Variants in AAK1 observed in about 807,000 individuals in gnomAD.
The protein encoded by AAK1 is AP2 associated kinase 1.
A neutral mutation model predicts 116.0 loss-of-function variants in AAK1; 37 were observed. The ratio of observed to expected loss-of-function variants is 0.32; its 90% confidence interval spans 0.25 to 0.42. The LOEUF is 0.42. Ranked by LOEUF, AAK1 falls within the 10% of genes least tolerant of loss-of-function variation. The pLI, the probability that AAK1 is intolerant of heterozygous loss-of-function variation, is 1.00. For missense variants in AAK1, 919 were observed against 1,170.6 expected (o/e 0.79, Z 3.14); for synonymous variants, 458 against 439.9 (o/e 1.04, Z -0.51).
Position 69,643,670 on chromosome 2 carries a change from A to C in AAK1, c.-330T>G, listed in dbSNP as rs1302311724. ...CGACGCAGAGAAGAGGCGGCGCTGC[A>C]GCGAGAGCCGGGGCCGCGCTCGGCT... On this transcript the variant is annotated 5_prime_UTR_variant, in exon 1 of 22. Coordinates refer to ENST00000409085, the MANE Select transcript of AAK1 (RefSeq NM_014911.5). The C allele has an allele frequency of 6.5e-6, 8 of 1,224,894 alleles. No individual in the cohort carries two copies. The highest frequency in any genetic ancestry group is 1.6e-5 in the African/African-American group (1 of 64,024). 75.9% of individuals were successfully genotyped at this position (1,224,894 alleles called of 1,614,324 possible).
At chr2:69,499,721 C>T (rs1013429358) in intron 16 of AAK1, 3 of 151,820 alleles carry the variant, frequency 2.0e-5, no homozygotes, top group African/African-American at 7.3e-5. Flanking sequence ...TATTTTAAAA[C>T]GACACAATGA....
chr2:69,572,963 G>A (rs1041720927), intron 2 of AAK1, among the ~76,000 whole-genome samples: 4 of 152,178 alleles, frequency 2.6e-5, no homozygotes, highest in Admixed American at 2.0e-4. Flanking sequence ...TCCAGGGATG[G>A]CCGACTCAGC....
At chr2:69,562,855 A>T (rs751191246) in intron 2 of AAK1, among the ~76,000 whole-genome samples, 10 of 152,270 alleles carry the variant, frequency 6.6e-5, no homozygotes, top group Non-Finnish European at 1.2e-4. Context: ...GCACCACTGC[A>T]CTCCAGCCTG....
intron 2 of AAK1, among the ~76,000 whole-genome samples, chr2:69,591,728 G>A (rs976323610): frequency 1.3e-5 from 2 of 151,790 alleles, no homozygotes; most frequent in South Asian, 2.1e-4. Flanking sequence ...CCACCGCCAC[G>A]CCTGGCTAAT....
chr2:69,570,740 T>C (rs942281797), intron 2 of AAK1, among the ~76,000 whole-genome samples: 3 of 152,240 alleles, frequency 2.0e-5, no homozygotes, highest in African/African-American at 4.8e-5. Flanking sequence ...CATCCAATCA[T>C]GTTGCTTCCC....
chr2:69,497,259 G>C (rs1275249903), intron 16 of AAK1, among the ~76,000 whole-genome samples: 3 of 150,162 alleles, frequency 2.0e-5, no homozygotes, highest in Non-Finnish European at 4.4e-5. Flanking sequence ...TAGGATTACA[G>C]GCATGCACCA....
intron 3 of AAK1, among the ~76,000 whole-genome samples, chr2:69,548,083 G>C (rs940842344): frequency 5.9e-5 from 9 of 152,324 alleles, no homozygotes; most frequent in Admixed American, 3.9e-4. Context: ...AGGGGCTGTG[G>C]AGAGGGGGAA....
intron 3 of AAK1, among the ~76,000 whole-genome samples, chr2:69,554,936 G>T (rs1390725439): frequency 2.0e-5 from 3 of 152,224 alleles, no homozygotes; most frequent in Non-Finnish European, 4.4e-5. Context: ...CTCCTCATGG[G>T]CCTGTGCTTC....
At chr2:69,553,009 A>G (rs1204828549) in intron 3 of AAK1, among the ~76,000 whole-genome samples, 1 of 152,144 alleles carries the variant, frequency 6.6e-6, no homozygotes, top group Non-Finnish European at 1.5e-5. Flanking sequence ...ATATAAAAAG[A>G]AGGGAGAAAA....
Position 69,474,006 on chromosome 2 carries a change from T to C in AAK1, c.*1863A>G, listed in dbSNP as rs567190990. On this transcript the variant is annotated 3_prime_UTR_variant, in exon 22 of 22. Coordinates refer to ENST00000409085, the MANE Select transcript of AAK1 (RefSeq NM_014911.5). Reference sequence around the variant, plus strand: ...TTTTGGAAATGGTCTGTTATTCAACTAGAGGCCTTTACCTAGCTCATCTTG... The same window carrying C: ...TTTTGGAAATGGTCTGTTATTCAACCAGAGGCCTTTACCTAGCTCATCTTG... The C allele has an allele frequency of 8.1e-6, 8 of 985,858 alleles. No homozygotes were observed. In the African/African-American group the frequency reaches 8.7e-5, roughly 11 times the overall value. The allele number at this position is 985,858 out of a possible 1,614,324, so 61.1% of individuals were successfully genotyped here. A position where few individuals can be genotyped will look rare whatever the true frequency, so the allele number is the denominator to read the frequency against.
intron 5 of AAK1, 24 bp downstream of exon 5, chr2:69,542,499 G>A (rs780339420): frequency 1.4e-5 from 23 of 1,612,820 alleles, no homozygotes; most frequent in East Asian, 2.2e-5. Context: ...TAGAATGCCC[G>A]TAATGAAAGA....
intron 14 of AAK1, among the ~76,000 whole-genome samples, chr2:69,509,010 A>G (rs1219495904): frequency 6.6e-6 from 1 of 152,254 alleles, no homozygotes; most frequent in Non-Finnish European, 1.5e-5. Flanking sequence ...AGTATGGCCC[A>G]TGCACTAAAG....
intron 2 of AAK1, among the ~76,000 whole-genome samples, chr2:69,583,315 G>C (rs1672623070): frequency 1.3e-5 from 2 of 152,224 alleles, no homozygotes; most frequent in Admixed American, 6.5e-5. Flanking sequence ...CTTTCACACT[G>C]GAGTGTGGTG....
chr2:69,465,296 C>T lies in AAK1; in HGVS notation c.*10573G>A. ...ACTGAGTTTGTTGACTCAAGAAATT[C>T]TGCTCTGACGCAGGGAATTGAAATA... On this transcript the variant is annotated 3_prime_UTR_variant, in exon 22 of 22. Transcript: ENST00000409085. 1 of 857,392 alleles carries T rather than the reference C, an allele frequency of 1.2e-6. No homozygotes were observed. The highest frequency in any genetic ancestry group is 1.6e-6 in the Non-Finnish European group (1 of 642,436). 53.1% of individuals were successfully genotyped at this position (857,392 alleles called of 1,614,324 possible).
In AAK1 at chr2:69,509,362, G is replaced by A. The variant is rs1179141879; in HGVS notation, c.1875C>T (p.Pro625=). The change falls in exon 14 of 22, where the codon CCC becomes CCT. Residue 625 remains proline (P), a synonymous_variant. Coordinates refer to ENST00000409085, the MANE Select transcript of AAK1 (RefSeq NM_014911.5). ...GCCTGTGCCCAGCACGTTGGGTTTT[G>A]GGGGATGAGGGTGGAGTGAGAGATC... ...KVGSLTPPSS[P]KTQRAGHRRI... The A allele has an allele frequency of 1.9e-6, 3 of 1,614,022 alleles. No individual in the cohort carries two copies. Among genetic ancestry groups the A allele is most frequent in the Non-Finnish European group, 2.5e-6 (3 of 1,179,892 alleles).
chr2:69,515,952 A>G (rs1375707973), intron 12 of AAK1, among the ~76,000 whole-genome samples: 1 of 152,240 alleles, frequency 6.6e-6, no homozygotes, highest in Non-Finnish European at 1.5e-5. Flanking sequence ...CCTGAAGGAA[A>G]TATCTAATAG....
At chr2:69,502,883 A>T (rs1054160578) in intron 16 of AAK1, among the ~76,000 whole-genome samples, 28 of 152,232 alleles carry the variant, frequency 1.8e-4, no homozygotes, top group African/African-American at 6.5e-4. Flanking sequence ...AGCTTCAAGA[A>T]TATTTATATG....
intron 2 of AAK1, among the ~76,000 whole-genome samples, chr2:69,562,594 T>C (rs866926308): frequency 1.4e-4 from 21 of 152,262 alleles, no homozygotes; most frequent in Admixed American, 1.0e-3. Context: ...CTTCAGACTT[T>C]TAAAAAACAA....
chr2:69,538,387 T>C (rs1229953239), intron 5 of AAK1, among the ~76,000 whole-genome samples: 1 of 152,228 alleles, frequency 6.6e-6, no homozygotes, highest in Non-Finnish European at 1.5e-5. Flanking sequence ...CCCACCGACC[T>C]ACTCAGCATC....
Sources: gnomAD v4.1 joint callset for allele counts (sites outside exome capture counted in the v4.1 genomes callset) on GRCh38, gnomAD v4.1.1 for gene constraint, MANE v1.5 for transcripts, NCBI Gene and HGNC (gene_info 2026-07-23, HGNC 2026-07-21) for gene names.